DPF3: variants seen among roughly 807,000 people sequenced by gnomAD.
DPF3 encodes the protein double PHD fingers 3.
Under a neutral mutation model 56.8 loss-of-function variants are expected in DPF3, and 18 were observed. The ratio of observed to expected loss-of-function variants is 0.32; its 90% CI spans 0.22 to 0.47. The LOEUF (loss-of-function observed/expected upper bound fraction) is 0.47. DPF3 is among the 20% of genes least tolerant of loss of function. DPF3 has a pLI of 1.00. For synonymous variants in DPF3, 188 were observed against 180.2 expected, an observed-to-expected ratio of 1.04 and a Z score of -0.35; for missense variants, 403 against 488.8, an observed-to-expected ratio of 0.82 and a Z score of 1.65.
chr14:72,875,557 C>T (rs1266922502), intron 1 of DPF3, among the ~76,000 whole-genome samples: 1 of 152,196 alleles, frequency 6.6e-6, no homozygotes, highest in Non-Finnish European at 1.5e-5. Context: ...CTACCCAAGG[C>T]CATAGGGCTT....
At position 72,797,404 on chromosome 14, in the gene DPF3, T is replaced by C. The variant is rs142910953; in HGVS notation, c.33-25511A>G. Among the ~76,000 whole-genome samples the C allele has an allele frequency of 8.9e-4, 135 of 152,350 alleles. 1 individual carries two copies. The highest frequency in any genetic ancestry group is 5.6e-3 in the South Asian group (27 of 4,832). On this transcript the variant is annotated intron_variant, in intron 1 of 10. Transcript: ENST00000556509. Reference sequence around the variant, plus strand: ...TAAGCTTTATGGTGTTTTGGTATGCTGCAAAACTAACAGAGGCAGGAGTCA... The same window carrying C: ...TAAGCTTTATGGTGTTTTGGTATGCCGCAAAACTAACAGAGGCAGGAGTCA...
chr14:72,646,472 CCA>C (rs1885728361), intron 8 of DPF3, among the ~76,000 whole-genome samples: 1 of 152,200 alleles, frequency 6.6e-6, no homozygotes, highest in South Asian at 2.1e-4. Context: ...AGCCCTTTGG[CCA>C]CTGTCAGGGA....
rs572644840 is a variant in DPF3, at chr14:72,771,852, C to T, written c.74G>A (p.Arg25Gln). 34 of 1,609,938 alleles carry T rather than the reference C, an allele frequency of 2.1e-5. No individual in the cohort carries two copies. In the Middle Eastern group the frequency reaches 1.2e-3, roughly 55 times the overall value. The change falls in exon 2 of 11, where the codon CGG (arginine) becomes CAG (glutamine). Residue 25 changes from arginine (R) to glutamine (Q), a missense_variant. This residue lies in a region of DPF3 where 340 missense variants were observed against 374.3 expected (regional missense o/e 0.91). Transcript: ENST00000556509. ...TGCACACAGCCGTGAGTTGTAACTC[C>T]GGCAGTGCTCAATGGCTTCCTTGTA... ...QFYKEAIEHC[R>Q]SYNSRLCAER...
intron 7 of DPF3, among the ~76,000 whole-genome samples, chr14:72,684,314 T>A (rs1175366362): frequency 6.6e-6 from 1 of 152,120 alleles, no homozygotes; most frequent in Non-Finnish European, 1.5e-5. Flanking sequence ...CCCAAACTGC[T>A]GGGATTACAG....
At chr14:72,730,438 T>C (rs1889593704) in intron 4 of DPF3, among the ~76,000 whole-genome samples, 1 of 152,166 alleles carries the variant, frequency 6.6e-6, no homozygotes. Context: ...TGACAATTCA[T>C]CTTAACACGG....
intron 1 of DPF3, chr14:72,806,940 GA>G (rs1489233892): frequency 6.6e-6 from 1 of 152,204 alleles, no homozygotes; most frequent in Non-Finnish European, 1.5e-5. Flanking sequence ...CCTGATCCTG[GA>G]AACCTCATCT....
rs74062313 is a variant in DPF3 at position 72,619,162 on chromosome 14, T to A, written c.*135A>T. The A allele has an allele frequency of 4.7e-6, 4 of 852,764 alleles. No homozygotes were observed. Among genetic ancestry groups the A allele is most frequent in the African/African-American group, 3.4e-5 (2 of 58,504 alleles). The allele number at this position is 852,764 out of a possible 1,614,324, so 52.8% of individuals were successfully genotyped here. ...TGCCTCACCCTCTTCGTTCCATGTG[T>A]CCCTGCCCCTCTGGGACTATTTCTT... On this transcript the variant is annotated 3_prime_UTR_variant, in exon 11 of 11. Coordinates refer to ENST00000556509, the MANE Select transcript of DPF3 (RefSeq NM_001280542.3).
At chr14:72,800,140 C>T (rs1892811126) in intron 1 of DPF3, among the ~76,000 whole-genome samples, 1 of 152,162 alleles carries the variant, frequency 6.6e-6, no homozygotes, top group African/African-American at 2.4e-5. Flanking sequence ...CATCCAAATA[C>T]CTCTAGGCTG....
intron 6 of DPF3, among the ~76,000 whole-genome samples, chr14:72,708,728 T>C (rs1484095889): frequency 6.6e-6 from 1 of 152,206 alleles, no homozygotes; most frequent in Admixed American, 6.5e-5. Context: ...CAAGCTTTTG[T>C]CTGTCCAGTC....
chr14:72,641,276 G>A (rs541979825), intron 8 of DPF3, among the ~76,000 whole-genome samples: 6 of 152,134 alleles, frequency 3.9e-5, no homozygotes, highest in Non-Finnish European at 5.9e-5. Flanking sequence ...TTCTTCTGCC[G>A]CAGGCTTTGT....
intron 6 of DPF3, 32 bp downstream of exon 6, chr14:72,714,391 G>A (rs4280167): frequency 6.2e-7 from 1 of 1,611,972 alleles, no homozygotes; most frequent in Non-Finnish European, 8.5e-7. Flanking sequence ...GGCGCACAGG[G>A]AGGAAGGAAG....
At chr14:72,696,830 G>A (rs1887922914) in intron 6 of DPF3, among the ~76,000 whole-genome samples, 1 of 152,174 alleles carries the variant, frequency 6.6e-6, no homozygotes, top group South Asian at 2.1e-4. Flanking sequence ...AAACTCTTGG[G>A]CTCCACCCCA....
intron 7 of DPF3, 150 bp from the exon 8 acceptor site, chr14:72,674,518 G>T: frequency 8.5e-7 from 1 of 1,178,978 alleles, no homozygotes; most frequent in Non-Finnish European, 1.2e-6. Context: ...GCTTTCTTTT[G>T]GATCCTTCCG....
At chr14:72,658,280 A>C (rs933987565) in intron 8 of DPF3, among the ~76,000 whole-genome samples, 2 of 152,168 alleles carry the variant, frequency 1.3e-5, no homozygotes, top group Non-Finnish European at 2.9e-5. Context: ...ATCTACATCT[A>C]CTATGTATCC....
Position 72,874,895 on chromosome 14 carries a change from T to C in DPF3, c.32+19162A>G, listed in dbSNP as rs572348673. Among the ~76,000 whole-genome samples the C allele has an allele frequency of 4.0e-4, 61 of 152,280 alleles. No homozygotes were observed. The South Asian group carries it at 0.013, about 32-fold the overall frequency. On this transcript the variant is annotated intron_variant, in intron 1 of 10. Transcript: ENST00000556509. ...CTATTGGTACCAATTACTGTATTAG[T>C]CCATTTTCACACAGCTGATAAAGAC...
chr14:72,704,735 A>G (rs1888332183), intron 6 of DPF3, among the ~76,000 whole-genome samples: 1 of 152,118 alleles, frequency 6.6e-6, no homozygotes, highest in African/African-American at 2.4e-5. Flanking sequence ...TTTTGTCTCA[A>G]TGACCCAAGT....
intron 8 of DPF3, among the ~76,000 whole-genome samples, chr14:72,671,995 G>T (rs1599343533): frequency 6.6e-6 from 1 of 151,706 alleles, no homozygotes; most frequent in Non-Finnish European, 1.5e-5. Flanking sequence ...AAATTTCTGT[G>T]ATCTGCATCC....
At position 72,613,992 on chromosome 14, in the gene DPF3, G is replaced by A. The variant is rs1362661608; in HGVS notation, c.*5305C>T. 6.6e-6 allele frequency among the ~76,000 whole-genome samples: 1 copy of A among 151,966 alleles called. No homozygotes were observed. Among genetic ancestry groups the A allele is most frequent in the East Asian group, 1.9e-4 (1 of 5,190 alleles). On this transcript the variant is annotated 3_prime_UTR_variant, in exon 11 of 11. Transcript: ENST00000556509. ...CCTCCTTCCCCCTGCCCCACTCTCA[G>A]CTGTCCACTCACAGACCAGAGGGTC...
At chr14:72,751,077 C>A (rs1423608198) in intron 3 of DPF3, among the ~76,000 whole-genome samples, 1 of 152,102 alleles carries the variant, frequency 6.6e-6, no homozygotes, top group Non-Finnish European at 1.5e-5. Context: ...GTAGTCCCCA[C>A]ACACTGAGGA....
Sources: allele counts gnomAD v4.1 joint callset (sites outside exome capture counted in the v4.1 genomes callset), GRCh38; gene constraint gnomAD v4.1.1; regional missense constraint gnomAD v4.1.1; transcripts MANE v1.5; gene names NCBI Gene and HGNC (gene_info 2026-07-23, HGNC 2026-07-21).